GLIS3: variants seen among roughly 807,000 people sequenced by gnomAD.
GLIS3 encodes GLIS family zinc finger 3.
Under a neutral mutation model 78.6 loss-of-function variants are expected in GLIS3, and 53 were observed. The ratio of observed to expected loss-of-function variants is 0.67; its 90% CI spans 0.54 to 0.85. The LOEUF (loss-of-function observed/expected upper bound fraction) is 0.85, where lower values mean the gene tolerates loss of function less well. GLIS3 is among the 40% of genes least tolerant of loss of function. The pLI is 0.00. For missense variants in GLIS3, 1,703 were observed against 1,231.1 expected (o/e 1.38, Z -5.74); for synonymous variants, 684 against 509.9 (o/e 1.34, Z -4.60).
chr9:4,223,169 G>A (rs1048342731), intron 2 of GLIS3, among the ~76,000 whole-genome samples: 1 of 152,134 alleles, frequency 6.6e-6, no homozygotes. Context: ...AAAATGAAAT[G>A]ACAGCTGGAA....
intron 9 of GLIS3, among the ~76,000 whole-genome samples, chr9:3,846,345 T>C (rs1329087653): frequency 6.6e-6 from 1 of 152,164 alleles, no homozygotes; most frequent in Middle Eastern, 3.2e-3. Context: ...TCACTAGGTA[T>C]ATGAGTTAGG....
At chr9:3,955,154 C>T (rs1485408050) in intron 4 of GLIS3, among the ~76,000 whole-genome samples, 7 of 152,204 alleles carry the variant, frequency 4.6e-5, no homozygotes, top group East Asian at 3.9e-4. Flanking sequence ...ATCAGAGAGA[C>T]GTTGCAAATG....
chr9:4,460,025 G>T, the GLIS3 span, among the ~76,000 whole-genome samples: 1 of 151,992 alleles, frequency 6.6e-6, no homozygotes, highest in Non-Finnish European at 1.5e-5. Context: ...CGCTAAAGTG[G>T]TGCTGAATTG....
intron 2 of GLIS3, among the ~76,000 whole-genome samples, chr9:4,246,432 G>A (rs149791513): frequency 6.6e-6 from 1 of 152,092 alleles, no homozygotes; most frequent in Non-Finnish European, 1.5e-5. Context: ...TCTTGTTTAA[G>A]GTAAGATATT....
At chr9:3,880,876 G>T (rs1821684363) in intron 7 of GLIS3, among the ~76,000 whole-genome samples, 1 of 152,184 alleles carries the variant, frequency 6.6e-6, no homozygotes, top group Non-Finnish European at 1.5e-5. Context: ...TTTATTTCTG[G>T]TAAATCAGCA....
intron 2 of GLIS3, among the ~76,000 whole-genome samples, chr9:4,195,707 G>A (rs10974386): frequency 0.077 from 11,787 of 152,332 alleles, 578 homozygotes; most frequent in East Asian, 0.22. Context: ...TGGCCACAGC[G>A]CGGGATCCAC....
chr9:4,300,796 C>T (rs1427283391), upstream of GLIS3, among the ~76,000 whole-genome samples: 1 of 151,868 alleles, frequency 6.6e-6, no homozygotes, highest in African/African-American at 2.4e-5. Context: ...CCTAGTAGTT[C>T]ATCACATGTA....
chr9:4,014,771 A>G (rs772035547), intron 4 of GLIS3, among the ~76,000 whole-genome samples: 17 of 152,184 alleles, frequency 1.1e-4, no homozygotes, highest in South Asian at 2.1e-4. Context: ...ACCTCGTCCA[A>G]TGCCTTCAAA....
At chr9:4,205,548 G>A (rs1006792220) in intron 2 of GLIS3, among the ~76,000 whole-genome samples, 4 of 152,242 alleles carry the variant, frequency 2.6e-5, no homozygotes, top group South Asian at 2.1e-4. Flanking sequence ...AGTGCTATAA[G>A]AGAGGAAAGT....
chr9:3,909,992 G>T (rs1036465393), intron 6 of GLIS3, among the ~76,000 whole-genome samples: 1 of 152,150 alleles, frequency 6.6e-6, no homozygotes, highest in African/African-American at 2.4e-5. Context: ...TGCATACCAT[G>T]GTAGCAGTCC....
intron 4 of GLIS3, among the ~76,000 whole-genome samples, chr9:4,025,674 CTG>C (rs1303920984): frequency 7.2e-5 from 11 of 152,202 alleles, no homozygotes; most frequent in Non-Finnish European, 1.6e-4. Context: ...GTGTGAGCCA[CTG>C]TGCCTGGCCT....
chr9:4,192,315 T>C (rs1818401414), intron 2 of GLIS3, among the ~76,000 whole-genome samples: 1 of 152,220 alleles, frequency 6.6e-6, no homozygotes, highest in African/African-American at 2.4e-5. Flanking sequence ...TTTAATAAAA[T>C]GAAAAGGTGA....
chr9:4,278,274 C>T (rs1181301287), intron 2 of GLIS3, among the ~76,000 whole-genome samples: 12 of 152,200 alleles, frequency 7.9e-5, no homozygotes, highest in African/African-American at 2.9e-4. Flanking sequence ...CCACAGTCAA[C>T]AAGAACACCC....
chr9:3,963,798 TG>T (rs1481173911), intron 4 of GLIS3, among the ~76,000 whole-genome samples: 31 of 151,978 alleles, frequency 2.0e-4, no homozygotes, highest in African/African-American at 7.3e-4. Context: ...CCAAGGATGA[TG>T]GTTCCTGGTA....
chr9:4,377,016 G>A, the GLIS3 span, among the ~76,000 whole-genome samples: 1 of 135,336 alleles, frequency 7.4e-6, no homozygotes, highest in Admixed American at 7.4e-5. Flanking sequence ...CAATAACTTG[G>A]CAGAAAATTC....
chr9:3,877,691 T>C (rs865779978), intron 8 of GLIS3, among the ~76,000 whole-genome samples: 5 of 152,240 alleles, frequency 3.3e-5, no homozygotes, highest in Non-Finnish European at 5.9e-5. Context: ...ACATATATAT[T>C]AATGATTAGT....
intron 4 of GLIS3, among the ~76,000 whole-genome samples, chr9:4,015,646 G>T (rs1192878246): frequency 1.3e-5 from 2 of 152,158 alleles, no homozygotes; most frequent in Non-Finnish European, 2.9e-5. Context: ...CCAGCACTTT[G>T]GGAGGCTGTG....
At chr9:4,486,469 C>T in the GLIS3 span, among the ~76,000 whole-genome samples, 2 of 152,184 alleles carry the variant, frequency 1.3e-5, no homozygotes, top group Non-Finnish European at 2.9e-5. Flanking sequence ...CTCTTCTCTT[C>T]ACCTCCCAAA....
At chr9:4,178,566 G>A (rs759171143) in intron 2 of GLIS3, among the ~76,000 whole-genome samples, 66 of 152,280 alleles carry the variant, frequency 4.3e-4, no homozygotes, top group Non-Finnish European at 7.9e-4. Context: ...TTTGCCTAGG[G>A]CTTGACCTAC....
Sources: gnomAD v4.1 joint callset for allele counts (sites outside exome capture counted in the v4.1 genomes callset) on GRCh38, gnomAD v4.1.1 for gene constraint, MANE v1.5 for transcripts, NCBI Gene and HGNC (gene_info 2026-07-23, HGNC 2026-07-21) for gene names.